TFEC: variants seen among roughly 807,000 people sequenced by gnomAD.
TFEC encodes class E basic helix-loop-helix protein 34.
Under a neutral mutation model 41.6 loss-of-function variants are expected in TFEC, and 31 were observed. The ratio of observed to expected loss-of-function variants is 0.74; its 90% CI spans 0.56 to 1.01. The LOEUF (loss-of-function observed/expected upper bound fraction) is 1.01. Ranked by LOEUF, TFEC falls within the 50% of genes least tolerant of loss-of-function variation. The pLI, the probability that TFEC is intolerant of heterozygous loss-of-function variation, is 0.00. For missense variants in TFEC, 402 were observed against 404.1 expected, an observed-to-expected ratio of 0.99 and a Z score of 0.04; for synonymous variants, 143 against 140.6, an observed-to-expected ratio of 1.02 and a Z score of -0.12.
chr7:115,954,744 C>A, intron 4 of TFEC, 102 bp from the exon 5 acceptor site: 1 of 836,558 alleles, frequency 1.2e-6, no homozygotes, highest in Non-Finnish European at 1.8e-6. Context: ...ATATTATTTG[C>A]TCCAAAACGG....
chr7:116,023,709 A>T (rs112927195), intron 1 of TFEC, among the ~76,000 whole-genome samples: 1 of 152,138 alleles, frequency 6.6e-6, no homozygotes, highest in East Asian at 1.9e-4. Flanking sequence ...ACTCTTTTAA[A>T]TGTGCCCTAT....
chr7:116,033,474 T>A (rs1795835628), upstream of TFEC, among the ~76,000 whole-genome samples: 1 of 152,150 alleles, frequency 6.6e-6, no homozygotes, highest in Non-Finnish European at 1.5e-5. Flanking sequence ...ATGTAATAAA[T>A]GCCATGTGAG....
At chr7:116,015,429 A>C (rs932627998) in intron 1 of TFEC, among the ~76,000 whole-genome samples, 17 of 151,918 alleles carry the variant, frequency 1.1e-4, no homozygotes, top group African/African-American at 3.1e-4. Flanking sequence ...TTACAATAGA[A>C]AAGAAAGCAG....
intron 3 of TFEC, among the ~76,000 whole-genome samples, chr7:116,086,665 T>C (rs1389137054): frequency 6.6e-6 from 1 of 151,828 alleles, no homozygotes; most frequent in Non-Finnish European, 1.5e-5. Context: ...TATGAATACT[T>C]GGAGTTGGAT....
At chr7:116,121,496 C>G (rs762254299) in intron 1 of TFEC, 13 of 151,888 alleles carry the variant, frequency 8.6e-5, no homozygotes, top group Non-Finnish European at 1.9e-4. Context: ...TGATGGTTGA[C>G]ATCATTGTGA....
At chr7:116,039,432 T>A (rs1795983130) in intron 3 of TFEC, among the ~76,000 whole-genome samples, 1 of 101,892 alleles carries the variant, frequency 9.8e-6, no homozygotes, top group African/African-American at 3.4e-5. Flanking sequence ...TGTGTGTGTG[T>A]GTGTGTGTGT....
intron 3 of TFEC, among the ~76,000 whole-genome samples, chr7:116,098,899 G>GAAGGAAGA (rs1468919032): frequency 6.9e-6 from 1 of 145,710 alleles, no homozygotes; most frequent in Non-Finnish European, 1.5e-5. Flanking sequence ...AGGAAGGAAG[G>GAAGGAAGA]AAGGAAGGAA....
chr7:116,065,152 A>G (rs900060806), intron 3 of TFEC, among the ~76,000 whole-genome samples: 3 of 152,164 alleles, frequency 2.0e-5, no homozygotes, highest in African/African-American at 7.2e-5. Context: ...CCAGCACAAG[A>G]GGAAAAATCT....
At chr7:116,103,997 A>G (rs1306420883) in intron 3 of TFEC, among the ~76,000 whole-genome samples, 1 of 152,206 alleles carries the variant, frequency 6.6e-6, no homozygotes, top group Non-Finnish European at 1.5e-5. Context: ...TTATGAAGTT[A>G]AAGGTGACCA....
chr7:115,975,506 A>T (rs1296449389), intron 2 of TFEC, among the ~76,000 whole-genome samples: 1 of 152,162 alleles, frequency 6.6e-6, no homozygotes, highest in African/African-American at 2.4e-5. Context: ...TACTCCAAAA[A>T]ATATGGAACA....
intron 3 of TFEC, among the ~76,000 whole-genome samples, chr7:115,965,802 C>G (rs1424694319): frequency 6.6e-6 from 1 of 151,696 alleles, no homozygotes; most frequent in Non-Finnish European, 1.5e-5. Context: ...AGGACAAATA[C>G]AGGACAACAT....
intron 1 of TFEC, among the ~76,000 whole-genome samples, chr7:116,131,907 A>C (rs1562981207): frequency 6.6e-6 from 1 of 152,222 alleles, no homozygotes; most frequent in African/African-American, 2.4e-5. Flanking sequence ...CACAATAAAT[A>C]GTAAGATCCA....
intron 1 of TFEC, among the ~76,000 whole-genome samples, chr7:116,004,767 G>C (rs1408993742): frequency 1.3e-5 from 2 of 151,228 alleles, no homozygotes; most frequent in African/African-American, 4.9e-5. Context: ...GTAAGGAAGA[G>C]AAAAAGCCAT....
At chr7:116,051,909 C>T (rs1182926740) in intron 3 of TFEC, among the ~76,000 whole-genome samples, 1 of 151,864 alleles carries the variant, frequency 6.6e-6, no homozygotes, top group African/African-American at 2.4e-5. Context: ...CACAGGTTCT[C>T]AGGGCCTTAT....
intron 1 of TFEC, among the ~76,000 whole-genome samples, chr7:116,019,887 C>T (rs1795328849): frequency 6.6e-6 from 1 of 152,174 alleles, no homozygotes; most frequent in Non-Finnish European, 1.5e-5. Context: ...TGTGTGCTAA[C>T]TTCAATAACT....
chr7:116,064,866 T>C (rs1796657092), intron 3 of TFEC, among the ~76,000 whole-genome samples: 1 of 152,140 alleles, frequency 6.6e-6, no homozygotes, highest in Admixed American at 6.6e-5. Context: ...GAAAATAAGA[T>C]GAGAACTGAA....
intron 3 of TFEC, among the ~76,000 whole-genome samples, chr7:116,070,922 C>A (rs1796811975): frequency 6.6e-6 from 1 of 151,096 alleles, no homozygotes; most frequent in South Asian, 2.1e-4. Flanking sequence ...ACCCAAAACC[C>A]ACAGTAACAC....
At chr7:115,962,629 C>G (rs574216906) in intron 3 of TFEC, among the ~76,000 whole-genome samples, 12 of 151,846 alleles carry the variant, frequency 7.9e-5, no homozygotes, top group African/African-American at 2.9e-4. Flanking sequence ...GAAAAACTGG[C>G]TATCATCATG....
At position 115,940,608 on chromosome 7, in the gene TFEC, A is replaced by G. The variant is rs773331299; in HGVS notation, c.987T>C (p.Val329=). 1.9e-6 allele frequency: 3 copies of G among 1,613,356 alleles called. No homozygotes were observed. In the South Asian group the frequency reaches 3.3e-5, roughly 18 times the overall value. Residue 329 remains valine, a synonymous_variant, in exon 8 of 8, where the codon GTT becomes GTC. Coordinates refer to ENST00000265440, the MANE Select transcript of TFEC (RefSeq NM_012252.4). The part of the protein sequence containing the change: ...DPLLSATSPA[V]SKESSRRSSF... ...TACTTCTCCTACTGCTTTCTTTGGA[A>G]ACTGCAGGGGAAGTGGCAGATAGCA...
Sources: allele counts gnomAD v4.1 joint callset (sites outside exome capture counted in the v4.1 genomes callset), GRCh38; gene constraint gnomAD v4.1.1; transcripts MANE v1.5; gene names NCBI Gene and HGNC (gene_info 2026-07-23, HGNC 2026-07-21).